Variants in CNTNAP2 observed in about 807,000 individuals in gnomAD.
CNTNAP2 encodes the protein contactin-associated protein-like 2.
CNTNAP2 carries 98 observed loss-of-function variants against 155.2 expected under a neutral mutation model. That is an observed-to-expected ratio of 0.63 (90% confidence interval 0.54 to 0.75). CNTNAP2 has a LOEUF of 0.75. Among genes scored for constraint, CNTNAP2 ranks in the 30% least tolerant of loss-of-function variants. The probability of loss-of-function intolerance (pLI) is 0.00; values close to 1 mark genes in which losing one functional copy is unlikely to be tolerated. For missense variants in CNTNAP2, 1,727 were observed against 1,688.1 expected (o/e 1.02, Z -0.40); for synonymous variants, 651 against 631.2 (o/e 1.03, Z -0.47).
At chr7:146,742,761 G>A (rs916829959) in intron 1 of CNTNAP2, among the ~76,000 whole-genome samples, 10 of 152,072 alleles carry the variant, frequency 6.6e-5, no homozygotes, top group African/African-American at 1.9e-4. Context: ...CAGTTTAAAC[G>A]ATTAGTACTG....
At chr7:148,402,668 A>C (rs1467494489) in intron 22 of CNTNAP2, among the ~76,000 whole-genome samples, 1 of 152,250 alleles carries the variant, frequency 6.6e-6, no homozygotes, top group Non-Finnish European at 1.5e-5. Flanking sequence ...ACAAAGGCAG[A>C]GATACCTCAT....
intron 1 of CNTNAP2, among the ~76,000 whole-genome samples, chr7:146,281,887 A>T (rs544220089): frequency 6.6e-6 from 1 of 152,214 alleles, no homozygotes; most frequent in African/African-American, 2.4e-5. Context: ...AATATGAAAT[A>T]ATGTGCATAA....
At chr7:147,756,297 CT>C (rs1056422820) in intron 13 of CNTNAP2, among the ~76,000 whole-genome samples, 2 of 152,134 alleles carry the variant, frequency 1.3e-5, no homozygotes, top group South Asian at 2.1e-4. Context: ...CTGACTACAG[CT>C]TTTTTTTCCC....
Position 148,370,588 on chromosome 7 carries a change from C to T in CNTNAP2, c.3476-13061C>T, listed in dbSNP as rs867164545. Among the ~76,000 whole-genome samples the T allele has an allele frequency of 5.3e-5, 8 of 152,266 alleles. 1 individual carries two copies. Among genetic ancestry groups the T allele is most frequent in the Middle Eastern group, 6.8e-3 (2 of 294 alleles). ...TTCCCCTCTTCCGCACAGTGCCACA[C>T]AGAACAGGGGTCTGAGGACTTGCCT... On this transcript the variant is annotated intron_variant, in intron 21 of 23. Transcript: ENST00000361727.
chr7:147,956,316 C>T (rs1210213438), intron 14 of CNTNAP2, among the ~76,000 whole-genome samples: 1 of 147,044 alleles, frequency 6.8e-6, no homozygotes. Context: ...AAAAAAAAAG[C>T]TATCAGTGAG....
chr7:147,005,105 C>G (rs980105984), intron 3 of CNTNAP2, among the ~76,000 whole-genome samples: 1 of 151,986 alleles, frequency 6.6e-6, no homozygotes, highest in Non-Finnish European at 1.5e-5. Context: ...AAAGCTATGT[C>G]ATATTTTATT....
intron 15 of CNTNAP2, among the ~76,000 whole-genome samples, chr7:148,042,840 C>A (rs1467975516): frequency 1.3e-5 from 2 of 152,076 alleles, no homozygotes; most frequent in Non-Finnish European, 2.9e-5. Context: ...TGCTTAAAAC[C>A]CCACCTAAAC....
chr7:147,192,280 C>T (rs577678159), intron 8 of CNTNAP2, among the ~76,000 whole-genome samples: 11 of 152,050 alleles, frequency 7.2e-5, no homozygotes, highest in South Asian at 2.1e-4. Context: ...TTCCCTGGTC[C>T]GTTCCTCCAG....
intron 11 of CNTNAP2, among the ~76,000 whole-genome samples, chr7:147,502,257 A>C (rs1411197816): frequency 6.6e-6 from 1 of 152,210 alleles, no homozygotes; most frequent in Admixed American, 6.5e-5. Flanking sequence ...AAAGACCCCA[A>C]ATGGACAAAG....
chr7:147,523,040 G>T (rs1799257827), intron 11 of CNTNAP2, among the ~76,000 whole-genome samples: 2 of 152,200 alleles, frequency 1.3e-5, no homozygotes, highest in African/African-American at 4.8e-5. Context: ...TGTGGGTCAA[G>T]ATTTCAGGCA....
At chr7:146,361,716 C>T (rs139791843) in intron 1 of CNTNAP2, among the ~76,000 whole-genome samples, 1 of 152,126 alleles carries the variant, frequency 6.6e-6, no homozygotes, top group African/African-American at 2.4e-5. Flanking sequence ...TAGATTTCAT[C>T]TGATTGGCAA....
chr7:148,245,884 C>T (rs1403324594), intron 20 of CNTNAP2, among the ~76,000 whole-genome samples: 1 of 152,176 alleles, frequency 6.6e-6, no homozygotes, highest in African/African-American at 2.4e-5. Context: ...TTCCCCTGGT[C>T]TTTTCTAGTC....
intron 8 of CNTNAP2, among the ~76,000 whole-genome samples, chr7:147,260,066 A>C (rs373310880): frequency 6.6e-6 from 1 of 152,198 alleles, no homozygotes; most frequent in South Asian, 2.1e-4. Flanking sequence ...TGGATTTCCG[A>C]ACAGAAAATG....
chr7:147,609,569 G>C (rs1801142630), intron 12 of CNTNAP2, among the ~76,000 whole-genome samples: 1 of 151,998 alleles, frequency 6.6e-6, no homozygotes, highest in African/African-American at 2.4e-5. Context: ...TTGTGGGGGA[G>C]ACAGACAATA....
At chr7:147,234,331 A>ACTC (rs1803751002) in intron 8 of CNTNAP2, among the ~76,000 whole-genome samples, 2 of 80,092 alleles carry the variant, frequency 2.5e-5, no homozygotes, top group Non-Finnish European at 4.5e-5. Context: ...TCCCAAGAGT[A>ACTC]TTCTTTTTTT....
intron 21 of CNTNAP2, among the ~76,000 whole-genome samples, chr7:148,309,510 A>C (rs748974163): frequency 5.9e-5 from 9 of 152,208 alleles, no homozygotes; most frequent in Non-Finnish European, 1.2e-4. Flanking sequence ...GAGTCCAAAA[A>C]GAGAGTCAGC....
intron 1 of CNTNAP2, among the ~76,000 whole-genome samples, chr7:146,468,632 TTTTG>T (rs1554437653): frequency 6.6e-6 from 1 of 152,174 alleles, no homozygotes; most frequent in South Asian, 2.1e-4. Flanking sequence ...ACATAGTTTT[TTTTG>T]TTTGTTTGTT....
rs575673203 is a variant in CNTNAP2, at chr7:146,124,249, T to TA, written c.97+7286dup. Among the ~76,000 whole-genome samples the TA allele has an allele frequency of 1.6e-3, 235 of 148,854 alleles. 4 individuals are homozygous for TA. The highest frequency in any genetic ancestry group is 1.4e-3 in the Non-Finnish European group (91 of 66,988). ...GTATCCCAGAACTTAAAGTAAAATT[T>TA]AAAAAAAAAAGTGCTTATTGTCACT... On this transcript the variant is annotated intron_variant, in intron 1 of 23. Transcript: ENST00000361727.
intron 19 of CNTNAP2, among the ~76,000 whole-genome samples, chr7:148,221,671 A>G (rs1224193736): frequency 1.3e-5 from 2 of 152,218 alleles, no homozygotes; most frequent in African/African-American, 4.8e-5. Flanking sequence ...GAAAGTCTCC[A>G]CTAAACACCC....
Sources: gnomAD v4.1 joint callset for allele counts (sites outside exome capture counted in the v4.1 genomes callset) on GRCh38, gnomAD v4.1.1 for gene constraint, MANE v1.5 for transcripts, NCBI Gene and HGNC (gene_info 2026-07-23, HGNC 2026-07-21) for gene names.